Variants in OPHN1 observed in about 807,000 individuals in gnomAD.
OPHN1 encodes oligophrenin 1, also known as oligophrenin-1.
Under a neutral mutation model 60.7 loss-of-function variants are expected in OPHN1, and 11 were observed. The observed-to-expected ratio is 0.18, with a 90% CI of 0.11 to 0.30. OPHN1 has a LOEUF of 0.30. OPHN1 is among the 10% of genes least tolerant of loss of function. OPHN1 has a pLI of 1.00. For synonymous variants in OPHN1, 226 were observed against 222.6 expected (o/e 1.02, Z -0.14); for missense variants, 449 against 611.0 (o/e 0.73, Z 2.80).
chrX:68,325,581 C>CTTTTTTTTTT (rs1569280748), intron 2 of OPHN1, among the ~76,000 whole-genome samples: 41 of 76,424 alleles, frequency 5.4e-4, no homozygotes, highest in African/African-American at 2.3e-3. Flanking sequence ...AATTTTTAAA[C>CTTTTTTTTTT]TTTTGGATAA....
chrX:68,247,866 C>T (rs1040092469), intron 5 of OPHN1, among the ~76,000 whole-genome samples: 1 of 110,523 alleles, frequency 9.0e-6, no homozygotes, highest in East Asian at 2.8e-4. Context: ...GATCACGCTA[C>T]TGCACTCCAC....
intron 18 of OPHN1, among the ~76,000 whole-genome samples, chrX:68,107,773 G>A (rs1298993273): frequency 8.9e-6 from 1 of 112,091 alleles, no homozygotes; most frequent in African/African-American, 3.2e-5. Context: ...ACTGCACTTG[G>A]CCTGTTCCGT....
At chrX:68,124,297 T>A (rs948159785) in intron 15 of OPHN1, among the ~76,000 whole-genome samples, 1 of 110,757 alleles carries the variant, frequency 9.0e-6, no homozygotes, top group African/African-American at 3.3e-5. Context: ...CTACTTTAAA[T>A]CTTCAGAAGA....
chrX:68,401,952 G>A (rs1035584745), intron 2 of OPHN1, among the ~76,000 whole-genome samples: 2 of 111,472 alleles, frequency 1.8e-5, no homozygotes, highest in Non-Finnish European at 3.8e-5. Context: ...AACCTTGAAG[G>A]TCAGGCTGCA....
intron 21 of OPHN1, among the ~76,000 whole-genome samples, chrX:68,061,611 T>C (rs2076893273): frequency 9.0e-6 from 1 of 111,662 alleles, no homozygotes; most frequent in Non-Finnish European, 1.9e-5. Context: ...GAAATCAATA[T>C]CATATTTTGA....
At chrX:68,171,803 T>C (rs774467775) in intron 15 of OPHN1, among the ~76,000 whole-genome samples, 2 of 111,040 alleles carry the variant, frequency 1.8e-5, no homozygotes, top group African/African-American at 6.5e-5. Context: ...GGACAAAAGA[T>C]ATGAACAGAC....
chrX:68,204,177 G>C (rs756136354), intron 10 of OPHN1, among the ~76,000 whole-genome samples: 18 of 112,652 alleles, frequency 1.6e-4, no homozygotes, highest in Non-Finnish European at 2.8e-4. Flanking sequence ...TGAAGATTCA[G>C]AATGCAGTAC....
chrX:68,406,978 T>C (rs1266338783), intron 2 of OPHN1, among the ~76,000 whole-genome samples: 1 of 111,624 alleles, frequency 9.0e-6, no homozygotes, highest in Non-Finnish European at 1.9e-5. Context: ...ACAAGGCGAG[T>C]GAATCACCTG....
intron 5 of OPHN1, 122 bp from the exon 6 acceptor site, chrX:68,234,710 GA>G: frequency 1.5e-5 from 8 of 538,355 alleles, no homozygotes; most frequent in East Asian, 3.6e-5. Flanking sequence ...CTCCTGGAAG[GA>G]AAAAAAAGCA....
At chrX:68,404,769 C>T (rs2078733397) in intron 2 of OPHN1, among the ~76,000 whole-genome samples, 1 of 112,090 alleles carries the variant, frequency 8.9e-6, no homozygotes, top group Non-Finnish European at 1.9e-5. Context: ...GAAGTTCTGA[C>T]ACATGCTACG....
At chrX:68,160,561 A>G (rs758548106) in intron 15 of OPHN1, among the ~76,000 whole-genome samples, 1 of 111,967 alleles carries the variant, frequency 8.9e-6, no homozygotes, top group East Asian at 2.8e-4. Context: ...ATTTTAAAGG[A>G]CAGGAATAAT....
chrX:68,407,266 C>T (rs2078747996), intron 2 of OPHN1, among the ~76,000 whole-genome samples: 1 of 112,112 alleles, frequency 8.9e-6, no homozygotes, highest in Admixed American at 9.5e-5. Context: ...GTCCAGAAAT[C>T]GACAGACCTG....
intron 15 of OPHN1, among the ~76,000 whole-genome samples, chrX:68,191,033 C>T (rs985571295): frequency 8.9e-6 from 1 of 111,830 alleles, no homozygotes; most frequent in East Asian, 2.8e-4. Flanking sequence ...GACCTGCAGG[C>T]TTGTGAGAGA....
intron 2 of OPHN1, among the ~76,000 whole-genome samples, chrX:68,354,595 TA>T (rs1281781463): frequency 4.1e-4 from 38 of 92,668 alleles, no homozygotes; most frequent in Admixed American, 4.9e-4. Flanking sequence ...CCGACTCTAC[TA>T]AAAAAAAAAA....
chrX:68,180,009 C>T (rs768452149), intron 15 of OPHN1, among the ~76,000 whole-genome samples: 13 of 111,235 alleles, frequency 1.2e-4, no homozygotes, highest in Non-Finnish European at 2.4e-4. Flanking sequence ...GTGGCAGATA[C>T]GCTTCAGTTT....
chrX:68,359,277 T>G (rs60146248), intron 2 of OPHN1, among the ~76,000 whole-genome samples: 1 of 111,795 alleles, frequency 8.9e-6, no homozygotes, highest in African/African-American at 3.2e-5. Context: ...GGGGTACATA[T>G]GGATTTGTAA....
At chrX:68,374,026 C>A (rs73212884) in intron 2 of OPHN1, among the ~76,000 whole-genome samples, 1,548 of 111,476 alleles carry the variant, frequency 0.014, 14 homozygotes, top group Non-Finnish European at 0.021. Context: ...AAGATAAAAT[C>A]TCCATGATCT....
intron 2 of OPHN1, among the ~76,000 whole-genome samples, chrX:68,319,192 A>C (rs1238097728): frequency 8.9e-6 from 1 of 112,164 alleles, no homozygotes; most frequent in Non-Finnish European, 1.9e-5. Flanking sequence ...GATTTTTATC[A>C]AAGGTACAAA....
intron 2 of OPHN1, among the ~76,000 whole-genome samples, chrX:68,339,158 A>C (rs1444908415): frequency 9.3e-6 from 1 of 107,421 alleles, no homozygotes; most frequent in African/African-American, 3.4e-5. Context: ...AATATAAGAG[A>C]AAAACCACAT....
Sources: allele counts gnomAD v4.1 joint callset (sites outside exome capture counted in the v4.1 genomes callset), GRCh38; gene constraint gnomAD v4.1.1; transcripts MANE v1.5; gene names NCBI Gene and HGNC (gene_info 2026-07-23, HGNC 2026-07-21).